GPC6: variants seen among roughly 807,000 people sequenced by gnomAD.
GPC6 encodes glypican 6.
In GPC6, 14 loss-of-function variants were observed where a neutral mutation model predicts 55.2. The ratio of observed to expected loss-of-function variants is 0.25; its 90% CI spans 0.17 to 0.40. GPC6 has a LOEUF of 0.40. GPC6 is among the 10% of genes least tolerant of loss of function. GPC6 has a pLI of 1.00. For synonymous variants in GPC6, 278 were observed against 259.6 expected, an observed-to-expected ratio of 1.07 and a Z score of -0.68; for missense variants, 641 against 708.5, an observed-to-expected ratio of 0.90 and a Z score of 1.08.
At chr13:94,296,493 A>G (rs1330277359) in intron 5 of GPC6, among the ~76,000 whole-genome samples, 5 of 152,214 alleles carry the variant, frequency 3.3e-5, no homozygotes, top group Admixed American at 1.3e-4. Context: ...CCTGCCATGG[A>G]ACTGTGCTTC....
In GPC6 at chr13:93,227,608, A is replaced by C; in HGVS notation, c.152A>C (p.Glu51Ala). The C allele has an allele frequency of 1.9e-6, 3 of 1,604,372 alleles. No homozygotes were observed. Among genetic ancestry groups the C allele is most frequent in the Non-Finnish European group, 2.5e-6 (3 of 1,177,182 alleles). Residue 51 changes from glutamate (E) to alanine (A), a missense_variant, in exon 1 of 9, where the codon GAG becomes GCG. Physicochemically the swap from Glu to Ala is moderately radical, Grantham distance 107. Transcript: ENST00000377047. This position sits in a 1 kb window ranked among gnomAD's most constrained non-coding sequence, Gnocchi z 4.3. ...GFSLADIPYQEIAGEHLRICP... is the reference protein window; with the variant it reads ...GFSLADIPYQAIAGEHLRICP... ...AGCCTGGCGGACATCCCCTACCAGGAGATCGCAGGTAAGCGCGGGCGCGCT... is the reference window on the plus strand; with the variant it reads ...AGCCTGGCGGACATCCCCTACCAGGCGATCGCAGGTAAGCGCGGGCGCGCT...
At chr13:94,357,181 C>T (rs1878840199) in intron 6 of GPC6, among the ~76,000 whole-genome samples, 1 of 152,192 alleles carries the variant, frequency 6.6e-6, no homozygotes, top group South Asian at 2.1e-4. Flanking sequence ...GATCTCCTGG[C>T]CCACTTCTCT....
At chr13:94,231,245 T>C (rs896409104) in intron 4 of GPC6, among the ~76,000 whole-genome samples, 2 of 152,142 alleles carry the variant, frequency 1.3e-5, no homozygotes, top group Admixed American at 1.3e-4. Context: ...TGGGCTGGTG[T>C]AGTCAATCAC....
intron 2 of GPC6, among the ~76,000 whole-genome samples, chr13:93,618,391 A>C (rs1878814637): frequency 6.6e-6 from 1 of 152,074 alleles, no homozygotes; most frequent in Non-Finnish European, 1.5e-5. Context: ...CCTAGTATGA[A>C]TTTTTCAATG....
intron 2 of GPC6, among the ~76,000 whole-genome samples, chr13:93,719,116 C>T (rs140092474): frequency 3.4e-4 from 52 of 151,582 alleles, no homozygotes; most frequent in Non-Finnish European, 5.8e-4. Context: ...TCTAATTCTG[C>T]GAAGAAAGTC....
At chr13:93,806,386 G>C (rs940301947) in intron 2 of GPC6, among the ~76,000 whole-genome samples, 2 of 152,122 alleles carry the variant, frequency 1.3e-5, no homozygotes, top group Admixed American at 1.3e-4. Context: ...CACCCAGGCT[G>C]GAGGGCAATG....
intron 1 of GPC6, among the ~76,000 whole-genome samples, chr13:93,472,706 C>T (rs967608126): frequency 6.6e-6 from 1 of 152,234 alleles, no homozygotes; most frequent in Non-Finnish European, 1.5e-5. Flanking sequence ...CTCTCCTTCT[C>T]TTTGCAATGT....
At chr13:93,488,575 C>T (rs1361737638) in intron 1 of GPC6, among the ~76,000 whole-genome samples, 1 of 152,200 alleles carries the variant, frequency 6.6e-6, no homozygotes, top group Non-Finnish European at 1.5e-5. Context: ...AACTAGTTTA[C>T]ACTCCCACCA....
intron 1 of GPC6, among the ~76,000 whole-genome samples, chr13:93,430,564 C>T (rs752727118): frequency 3.9e-5 from 6 of 152,092 alleles, no homozygotes; most frequent in Admixed American, 3.9e-4. Context: ...GATTGAACAA[C>T]TTGTAGAATA....
chr13:93,597,871 C>T (rs868665192), intron 2 of GPC6, among the ~76,000 whole-genome samples: 28 of 152,084 alleles, frequency 1.8e-4, no homozygotes, highest in African/African-American at 5.8e-4. Flanking sequence ...GTGGGCTGGG[C>T]GCGGTGGCTC....
chr13:94,399,924 T>G (rs1881057330), intron 8 of GPC6, among the ~76,000 whole-genome samples: 1 of 152,242 alleles, frequency 6.6e-6, no homozygotes, highest in South Asian at 2.1e-4. Flanking sequence ...CATTGTCTTC[T>G]GTATTAAATA....
At chr13:94,300,782 G>C (rs931745613) in intron 5 of GPC6, among the ~76,000 whole-genome samples, 13 of 152,296 alleles carry the variant, frequency 8.5e-5, no homozygotes, top group African/African-American at 3.1e-4. Context: ...TAAAGGGGTA[G>C]AGCGAATGAT....
intron 4 of GPC6, among the ~76,000 whole-genome samples, chr13:94,043,985 C>T (rs1307124488): frequency 6.6e-6 from 1 of 151,754 alleles, no homozygotes; most frequent in Non-Finnish European, 1.5e-5. Context: ...AGTTCTCCTA[C>T]ATCTTGGTTT....
At chr13:94,098,234 A>G (rs965447657) in intron 4 of GPC6, among the ~76,000 whole-genome samples, 2 of 152,210 alleles carry the variant, frequency 1.3e-5, no homozygotes, top group Admixed American at 1.3e-4. Context: ...CATGTAGTTT[A>G]ATATAGACTG....
At chr13:93,890,154 T>C (rs1875582097) in intron 3 of GPC6, among the ~76,000 whole-genome samples, 1 of 152,110 alleles carries the variant, frequency 6.6e-6, no homozygotes, top group African/African-American at 2.4e-5. Flanking sequence ...GTGTCCCAAA[T>C]ATTTGCTGTG....
chr13:93,591,186 G>C (rs887361734), intron 2 of GPC6, among the ~76,000 whole-genome samples: 3 of 148,752 alleles, frequency 2.0e-5, no homozygotes, highest in Middle Eastern at 3.6e-3. Flanking sequence ...ATCACCTTTC[G>C]GGTGCGGTGG....
chr13:94,170,570 G>C (rs2138928468), intron 4 of GPC6, among the ~76,000 whole-genome samples: 2 of 152,274 alleles, frequency 1.3e-5, no homozygotes, highest in East Asian at 3.9e-4. Context: ...AAATTGAAAA[G>C]GGAATGTAGT....
At chr13:93,991,682 A>G (rs1483784504) in intron 3 of GPC6, among the ~76,000 whole-genome samples, 1 of 152,178 alleles carries the variant, frequency 6.6e-6, no homozygotes, top group East Asian at 1.9e-4. Context: ...TGTAGCCATC[A>G]GAGCACTTTT....
intron 2 of GPC6, among the ~76,000 whole-genome samples, chr13:93,700,773 C>G (rs79889556): frequency 1.3e-5 from 2 of 152,178 alleles, no homozygotes; most frequent in Non-Finnish European, 2.9e-5. Flanking sequence ...CCCAAGTTTT[C>G]TCAAAGCAAG....
Sources: gnomAD v4.1 joint callset for allele counts (sites outside exome capture counted in the v4.1 genomes callset) on GRCh38, gnomAD v4.1.1 for gene constraint, Gnocchi (gnomAD v3.1) non-coding constraint, MANE v1.5 for transcripts, NCBI Gene and HGNC (gene_info 2026-07-23, HGNC 2026-07-21) for gene names.